The following ATP8B4 variants were observed in gnomAD, a reference collection of about 807,000 sequenced individuals.
ATP8B4 encodes ATPase phospholipid transporting 8B4 (putative), also known as probable phospholipid-transporting ATPase IM.
ATP8B4 carries 133 observed loss-of-function variants against 145.6 expected under a neutral mutation model. The ratio of observed to expected loss-of-function variants is 0.91; its 90% CI spans 0.79 to 1.05. The LOEUF (loss-of-function observed/expected upper bound fraction) is 1.05, where lower values mean the gene tolerates loss of function less well. ATP8B4 is among the 50% of genes least tolerant of loss of function. The pLI, the probability that ATP8B4 is intolerant of heterozygous loss-of-function variation, is 0.00. For synonymous variants in ATP8B4, 507 were observed against 492.9 expected (o/e 1.03, Z -0.38); for missense variants, 1,458 against 1,425.2 (o/e 1.02, Z -0.37).
intron 1 of ATP8B4, among the ~76,000 whole-genome samples, chr15:50,108,629 T>C (rs1172505132): frequency 6.6e-6 from 1 of 152,132 alleles, no homozygotes; most frequent in Non-Finnish European, 1.5e-5. Flanking sequence ...CTCCACCCCC[T>C]TTATCCGACT....
chr15:50,047,099 G>T (rs546595521), intron 4 of ATP8B4, among the ~76,000 whole-genome samples: 1 of 152,186 alleles, frequency 6.6e-6, no homozygotes, highest in Admixed American at 6.5e-5. Context: ...TTAGGCTCTG[G>T]TTTGGTTCAA....
At position 49,863,053 on chromosome 15, in the gene ATP8B4, T is replaced by A. The variant is rs112768764; in HGVS notation, c.3167-678A>T. Among the ~76,000 whole-genome samples the A allele has an allele frequency of 2.6e-3, 394 of 152,374 alleles. 1 individual carries two copies. The highest frequency in any genetic ancestry group is 8.9e-3 in the African/African-American group (369 of 41,596). On this transcript the variant is annotated intron_variant, in intron 26 of 27. Transcript: ENST00000284509. ...TATCACATCAAAGCTACACAAAAAATGTTCCAGATGCAGGTACAATCTCAA... is the reference window on the plus strand; with the variant it reads ...TATCACATCAAAGCTACACAAAAAAAGTTCCAGATGCAGGTACAATCTCAA...
chr15:49,981,030 T>C (rs532134674), intron 11 of ATP8B4, among the ~76,000 whole-genome samples, 176 bp downstream of exon 11: 1 of 152,304 alleles, frequency 6.6e-6, no homozygotes, highest in Admixed American at 6.5e-5. Flanking sequence ...CTACCACTGG[T>C]TGAGAAATTA....
intron 1 of ATP8B4, among the ~76,000 whole-genome samples, chr15:50,140,059 T>C (rs1334068216): frequency 2.6e-5 from 4 of 152,072 alleles, no homozygotes; most frequent in Non-Finnish European, 5.9e-5. Flanking sequence ...AAACTACATA[T>C]TGGGTACAGT....
At chr15:49,869,547 A>C (rs1321865803) in intron 25 of ATP8B4, among the ~76,000 whole-genome samples, 1 of 152,208 alleles carries the variant, frequency 6.6e-6, no homozygotes. Context: ...AAAAATTAAC[A>C]ATCAGAAACC....
chr15:49,979,346 T>G (rs2045959107), intron 12 of ATP8B4, among the ~76,000 whole-genome samples: 1 of 152,168 alleles, frequency 6.6e-6, no homozygotes, highest in Non-Finnish European at 1.5e-5. Flanking sequence ...TCAGGTTACA[T>G]GAGATTATAT....
intron 14 of ATP8B4, among the ~76,000 whole-genome samples, chr15:49,957,527 A>G (rs933707508): frequency 3.9e-5 from 6 of 152,078 alleles, no homozygotes; most frequent in Non-Finnish European, 8.8e-5. Flanking sequence ...AAAGCAAACT[A>G]TAGCCCTGTG....
intron 2 of ATP8B4, among the ~76,000 whole-genome samples, chr15:50,075,269 A>T (rs1303431992): frequency 6.6e-6 from 1 of 152,072 alleles, no homozygotes; most frequent in Non-Finnish European, 1.5e-5. Context: ...GAGGAAAATG[A>T]GGGAGATGAA....
At chr15:50,073,312 A>G (rs949342615) in intron 3 of ATP8B4, among the ~76,000 whole-genome samples, 2 of 151,800 alleles carry the variant, frequency 1.3e-5, no homozygotes, top group African/African-American at 4.8e-5. Flanking sequence ...TTCGACTCCC[A>G]CTTAAGAGTG....
intron 24 of ATP8B4, among the ~76,000 whole-genome samples, chr15:49,878,006 T>G (rs568325606): frequency 3.3e-5 from 5 of 152,300 alleles, no homozygotes; most frequent in Non-Finnish European, 7.4e-5. Flanking sequence ...TGATGATTGC[T>G]GAGGCCTGTC....
At chr15:50,085,963 T>TTATATATGATATATATCATATATA (rs1567331360) in intron 2 of ATP8B4, among the ~76,000 whole-genome samples, 1 of 53,802 alleles carries the variant, frequency 1.9e-5, no homozygotes, top group Non-Finnish European at 3.1e-5. Context: ...TCATATATAT[T>TTATATATGATATATATCATATATA]TATATATGAT....
intron 1 of ATP8B4, among the ~76,000 whole-genome samples, chr15:50,111,232 CAAGTT>C (rs2056925527): frequency 6.6e-6 from 1 of 152,176 alleles, no homozygotes; most frequent in African/African-American, 2.4e-5. Context: ...GTTCAGCAGT[CAAGTT>C]ATTACAGCTA....
intron 16 of ATP8B4, among the ~76,000 whole-genome samples, chr15:49,926,084 C>A (rs1308029461): frequency 1.3e-5 from 2 of 151,992 alleles, no homozygotes; most frequent in East Asian, 1.9e-4. Flanking sequence ...TGGGCAACTG[C>A]ATCATTTCTA....
chr15:49,971,109 C>G (rs890889689), intron 13 of ATP8B4, among the ~76,000 whole-genome samples: 1 of 152,262 alleles, frequency 6.6e-6, no homozygotes, highest in Non-Finnish European at 1.5e-5. Context: ...ACACCTTATA[C>G]AAAAATTAAC....
chr15:50,106,144 A>G (rs1201805501), intron 2 of ATP8B4, among the ~76,000 whole-genome samples: 1 of 152,230 alleles, frequency 6.6e-6, no homozygotes, highest in Non-Finnish European at 1.5e-5. Context: ...TTAACCACCT[A>G]TCAGGGACGA....
chr15:50,155,181 T>A (rs2044395527), intron 1 of ATP8B4, among the ~76,000 whole-genome samples: 1 of 152,128 alleles, frequency 6.6e-6, no homozygotes, highest in African/African-American at 2.4e-5. Context: ...ATTCATTTTG[T>A]CAATAACTCA....
intron 3 of ATP8B4, among the ~76,000 whole-genome samples, chr15:50,054,286 G>A (rs2052413837): frequency 6.6e-6 from 1 of 152,122 alleles, no homozygotes; most frequent in African/African-American, 2.4e-5. Context: ...TATTACCAGA[G>A]GAAAAAGAAG....
At chr15:49,909,001 A>AC (rs1293242872) in intron 20 of ATP8B4, among the ~76,000 whole-genome samples, 1 of 151,792 alleles carries the variant, frequency 6.6e-6, no homozygotes, top group African/African-American at 2.4e-5. Context: ...AGCTACTGCC[A>AC]CCCCCACCTG....
At chr15:50,113,525 C>T (rs771597452) in intron 1 of ATP8B4, among the ~76,000 whole-genome samples, 3 of 115,102 alleles carry the variant, frequency 2.6e-5, no homozygotes, top group Non-Finnish European at 4.4e-5. Context: ...TATGTGTGTA[C>T]GTATGGGTGT....
Sources: allele counts gnomAD v4.1 joint callset (sites outside exome capture counted in the v4.1 genomes callset), GRCh38; gene constraint gnomAD v4.1.1; transcripts MANE v1.5; gene names NCBI Gene and HGNC (gene_info 2026-07-23, HGNC 2026-07-21).